HABP2: variants seen among roughly 807,000 people sequenced by gnomAD.
The protein encoded by HABP2 is hyaluronan binding protein 2, also known as factor VII-activating protease.
In HABP2, 65 loss-of-function variants were observed where a neutral mutation model predicts 66.5. That is an observed-to-expected ratio of 0.98 (90% CI 0.80 to 1.20). The LOEUF (loss-of-function observed/expected upper bound fraction) is 1.20, where lower values mean the gene tolerates loss of function less well. Among genes scored for constraint, HABP2 ranks in the 50% most tolerant of loss-of-function variants. HABP2 has a pLI of 0.00. For synonymous variants in HABP2, 263 were observed against 253.9 expected (o/e 1.04, Z -0.34); for missense variants, 786 against 691.0 (o/e 1.14, Z -1.54).
At position 113,588,369 on chromosome 10, in the gene HABP2, AG is replaced by A. The variant is rs1845705774; in HGVS notation, c.*2del. On this transcript the variant is annotated 3_prime_UTR_variant, in exon 13 of 13. Transcript: ENST00000351270. Reference sequence around the variant, plus strand: ...CCATCAAAAGTGAAAGTGGCTTCTAAGGTACTGTCTTCTGGACCTCAGAGCC... The same window carrying A: ...CCATCAAAAGTGAAAGTGGCTTCTAAGTACTGTCTTCTGGACCTCAGAGCC... 1 of 1,610,510 alleles carries A rather than the reference AG, an allele frequency of 6.2e-7. No homozygotes were observed. Among genetic ancestry groups the A allele is most frequent in the African/African-American group, 1.3e-5 (1 of 74,858 alleles).
At chr10:113,559,560 C>T (rs956086939) in intron 1 of HABP2, among the ~76,000 whole-genome samples, 8 of 152,236 alleles carry the variant, frequency 5.3e-5, no homozygotes, top group Admixed American at 1.3e-4. Flanking sequence ...GGCAGAGTCG[C>T]CTGGGCACTG....
rs1292777635 is a variant in HABP2, at chr10:113,588,460, C to T, written c.*91C>T. 3.3e-6 allele frequency: 3 copies of T among 922,142 alleles called. No individual in the cohort carries two copies. Among genetic ancestry groups the T allele is most frequent in the Admixed American group, 5.0e-5 (2 of 39,774 alleles). The allele number at this position is 922,142 out of a possible 1,614,324, so 57.1% of individuals were successfully genotyped here. On this transcript the variant is annotated 3_prime_UTR_variant, in exon 13 of 13. Transcript: ENST00000351270. ...CAACAATGGACACCTCCAGAGCCTC[C>T]AGGGGACCACACAGTAGACTATCCC...
At chr10:113,562,736 C>T (rs1457948296) in intron 1 of HABP2, among the ~76,000 whole-genome samples, 4 of 152,234 alleles carry the variant, frequency 2.6e-5, no homozygotes, top group Non-Finnish European at 4.4e-5. Flanking sequence ...TAAGCCACTG[C>T]GCCCGGCCCA....
At chr10:113,579,339 G>T (rs959841749) in intron 7 of HABP2, among the ~76,000 whole-genome samples, 1 of 152,174 alleles carries the variant, frequency 6.6e-6, no homozygotes, top group Non-Finnish European at 1.5e-5. Context: ...AGGGGATTCA[G>T]CTCCACAGGC....
At chr10:113,574,926 A>T (rs755551200) in intron 3 of HABP2, among the ~76,000 whole-genome samples, 7 of 151,420 alleles carry the variant, frequency 4.6e-5, no homozygotes, top group Non-Finnish European at 1.0e-4. Flanking sequence ...CAATTGTTAG[A>T]TTGTGTGTGT....
rs549002082 is a variant in HABP2, at chr10:113,553,149, G to A, written c.28G>A (p.Val10Ile). 2.5e-6 allele frequency: 4 copies of A among 1,613,762 alleles called. No homozygotes were observed. The highest frequency in any genetic ancestry group is 1.3e-5 in the African/African-American group (1 of 75,044). ...GTTTGCCAGGATGTCTGATCTCCAT[G>A]TTCTGCTGTTAATGGCTCTGGTGGG... MFARMSDLH[V>I]LLLMALVGKT... The change falls in exon 1 of 13, where the codon GTT becomes ATT. Residue 10 changes from valine (V) to isoleucine (I), a missense_variant. Transcript: ENST00000351270.
Position 113,578,069 on chromosome 10 carries a change from C to A in HABP2, c.492C>A (p.Thr164=), listed in dbSNP as rs569429050. 35 of 1,614,170 alleles carry A rather than the reference C, an allele frequency of 2.2e-5. No individual in the cohort carries two copies. The East Asian group carries it at 7.8e-4, about 36-fold the overall frequency. The change falls in exon 6 of 13, where the codon ACC becomes ACA. Residue 164 remains threonine, a synonymous_variant. Coordinates refer to ENST00000351270, the MANE Select transcript of HABP2 (RefSeq NM_004132.5). ...CAAACCCCTGCCAGAATGGGGCTAC[C>A]TGCTCCCGGCATAAGCGGAGATCCA... ...CRPNPCQNGA[T]CSRHKRRSKF... is the part of the protein sequence containing the mutation.
At chr10:113,570,600 G>A (rs1845287971) in intron 2 of HABP2, among the ~76,000 whole-genome samples, 1 of 152,176 alleles carries the variant, frequency 6.6e-6, no homozygotes, top group Admixed American at 6.5e-5. Context: ...TCTCTACCCA[G>A]GAAAATATGT....
upstream of HABP2, among the ~76,000 whole-genome samples, chr10:113,551,491 G>T (rs917538567): frequency 7.2e-5 from 11 of 152,150 alleles, no homozygotes; most frequent in African/African-American, 9.7e-5. Context: ...ACAGAGTAGG[G>T]CTAGAGAAGA....
At chr10:113,574,880 T>C (rs1845380864) in intron 3 of HABP2, among the ~76,000 whole-genome samples, 1 of 152,204 alleles carries the variant, frequency 6.6e-6, no homozygotes, top group Non-Finnish European at 1.5e-5. Flanking sequence ...TCCCTTCCAC[T>C]TTTTCTTTCT....
intron 5 of HABP2, among the ~76,000 whole-genome samples, chr10:113,577,467 C>A (rs1239775967): frequency 1.3e-5 from 2 of 152,122 alleles, no homozygotes; most frequent in Admixed American, 6.5e-5. Flanking sequence ...CCCTTCCCAC[C>A]CAAAAAGAAT....
chr10:113,578,821 T>C (rs767231270), intron 7 of HABP2, 23 bp downstream of exon 7: 1 of 1,536,988 alleles, frequency 6.5e-7, no homozygotes, highest in Admixed American at 1.7e-5. Flanking sequence ...TTATTTATGC[T>C]CAGTTGATTT....
At chr10:113,582,235 T>C in intron 9 of HABP2, 104 bp downstream of exon 9, 1 of 1,167,906 alleles carries the variant, frequency 8.6e-7, no homozygotes, top group Non-Finnish European at 1.2e-6. Context: ...GATTAGGGGG[T>C]CTGATCTGTT....
At chr10:113,577,569 G>C (rs1162516212) in intron 5 of HABP2, among the ~76,000 whole-genome samples, 1 of 152,214 alleles carries the variant, frequency 6.6e-6, no homozygotes, top group Non-Finnish European at 1.5e-5. Flanking sequence ...AGTCCCTGCT[G>C]TGAGGCAGGC....
In HABP2 at chr10:113,578,649, C is replaced by A. The variant is rs150720516; in HGVS notation, c.591C>A (p.Gly197=). Residue 197 remains glycine, a synonymous_variant, in exon 7 of 13, where the codon GGC becomes GGA. Coordinates refer to ENST00000351270, the MANE Select transcript of HABP2 (RefSeq NM_004132.5). ...GAGGTTCTGATGACTGCTATGTTGG[C>A]GATGGCTACTCTTACCGAGGGAAAA... ...CEIGSDDCYV[G]DGYSYRGKMN... The A allele has an allele frequency of 6.2e-7, 1 of 1,612,526 alleles. No individual in the cohort carries two copies. The highest frequency in any genetic ancestry group is 1.3e-5 in the African/African-American group (1 of 74,756).
In HABP2 at chr10:113,574,368, T is replaced by G. The variant is rs781628995; in HGVS notation, c.186T>G (p.Ala62=). The stretch of plus-strand genomic sequence containing the variant: ...ACACCAGTAGCACACTTACCCACGC[T>G]GAGAATCCTGACTGGTACTACACTG... ...EENTSSTLTH[A]ENPDWYYTED... The change falls in exon 3 of 13, where the codon GCT becomes GCG. Residue 62 remains alanine, a synonymous_variant. Transcript: ENST00000351270. The G allele has an allele frequency of 1.3e-6, 2 of 1,591,358 alleles. No homozygotes were observed. Among genetic ancestry groups the G allele is most frequent in the South Asian group, 2.2e-5 (2 of 90,632 alleles).
At chr10:113,565,574 C>T (rs986498604) in intron 1 of HABP2, among the ~76,000 whole-genome samples, 7 of 152,214 alleles carry the variant, frequency 4.6e-5, no homozygotes, top group African/African-American at 1.7e-4. Flanking sequence ...AGGGTGAGTA[C>T]TAATCCATTT....
chr10:113,571,714 G>A (rs920994210), intron 2 of HABP2, among the ~76,000 whole-genome samples: 3 of 152,118 alleles, frequency 2.0e-5, no homozygotes, highest in African/African-American at 7.2e-5. Context: ...GTCACTTCTA[G>A]CTCCCTCACC....
intron 6 of HABP2, 52 bp downstream of exon 6, chr10:113,578,197 T>C (rs766291330): frequency 3.1e-6 from 5 of 1,589,796 alleles, no homozygotes; most frequent in Non-Finnish European, 3.4e-6. Context: ...TGGAACCCTT[T>C]CCTCTCTGGG....
Sources: allele counts gnomAD v4.1 joint callset (sites outside exome capture counted in the v4.1 genomes callset), GRCh38; gene constraint gnomAD v4.1.1; transcripts MANE v1.5; gene names NCBI Gene and HGNC (gene_info 2026-07-23, HGNC 2026-07-21).